PDE10A: variants seen among roughly 807,000 people sequenced by gnomAD.
The protein encoded by PDE10A is phosphodiesterase 10A.
Under a neutral mutation model 97.7 loss-of-function variants are expected in PDE10A, and 39 were observed. The ratio of observed to expected loss-of-function variants is 0.40; its 90% CI spans 0.31 to 0.52. PDE10A has a LOEUF of 0.52. Among genes scored for constraint, PDE10A ranks in the 20% least tolerant of loss-of-function variants. PDE10A has a pLI of 0.56. For synonymous variants in PDE10A, 371 were observed against 376.8 expected (o/e 0.98, Z 0.18); for missense variants, 731 against 1,047.8 (o/e 0.70, Z 4.17).
chr6:165,919,684 A>G (rs182969065), intron 1 of PDE10A, among the ~76,000 whole-genome samples: 121 of 152,332 alleles, frequency 7.9e-4, no homozygotes, highest in African/African-American at 2.2e-3. Flanking sequence ...TGCAGCCTGG[A>G]TAGGCCTGCT....
At chr6:165,923,813 C>T (rs1562799997) in intron 1 of PDE10A, among the ~76,000 whole-genome samples, 1 of 151,920 alleles carries the variant, frequency 6.6e-6, no homozygotes, top group Non-Finnish European at 1.5e-5. Context: ...TTTAACTGGA[C>T]ATTTGTGCCA....
chr6:165,825,560 G>C (rs994558727), intron 1 of PDE10A, among the ~76,000 whole-genome samples: 2 of 152,190 alleles, frequency 1.3e-5, no homozygotes, highest in Non-Finnish European at 2.9e-5. Flanking sequence ...AAAGGCTCCT[G>C]CTGGGCCTCT....
Position 165,388,190 on chromosome 6 carries a change from C to T in PDE10A, c.2610+108G>A, listed in dbSNP as rs1785436409. ...TATAAGGTTCTACAATAAAAAGTAG[C>T]TGTTGCTTTTAAGGAAGCCATAATG... On this transcript the variant is annotated intron_variant, in intron 17 of 21. Coordinates refer to ENST00000539869, the MANE Select transcript of PDE10A (RefSeq NM_001385079.1). This position sits in a 1 kb window ranked among gnomAD's most constrained non-coding sequence, Gnocchi z 4.0. The T allele has an allele frequency of 8.0e-6, 7 of 874,196 alleles. No individual in the cohort carries two copies. The East Asian group carries it at 1.5e-4, about 18-fold the overall frequency. 54.2% of individuals were successfully genotyped at this position (874,196 alleles called of 1,614,324 possible).
intron 1 of PDE10A, among the ~76,000 whole-genome samples, chr6:165,806,050 A>T (rs1241762348): frequency 1.0e-4 from 15 of 144,766 alleles, no homozygotes; most frequent in African/African-American, 4.2e-4. Context: ...ATTAAAAAAA[A>T]AAAAAAAAAA....
chr6:165,896,009 C>G (rs760549531), intron 1 of PDE10A, among the ~76,000 whole-genome samples: 1 of 152,200 alleles, frequency 6.6e-6, no homozygotes, highest in Non-Finnish European at 1.5e-5. Flanking sequence ...GGATCCGACT[C>G]TCCCAGCTGA....
At chr6:165,927,840 G>A (rs117313254) in intron 1 of PDE10A, among the ~76,000 whole-genome samples, 1,881 of 149,570 alleles carry the variant, frequency 0.013, 27 homozygotes, top group Non-Finnish European at 0.017. Context: ...GGGACTATAG[G>A]TGTGCGCCAC....
At chr6:165,777,991 C>T (rs572429141) in intron 1 of PDE10A, among the ~76,000 whole-genome samples, 58 of 152,228 alleles carry the variant, frequency 3.8e-4, no homozygotes, top group Admixed American at 8.5e-4. Flanking sequence ...TGATACATTA[C>T]TTAGCTTTGC....
chr6:165,699,711 A>AAATTAAACAC (rs1458667300), intron 1 of PDE10A, among the ~76,000 whole-genome samples: 1 of 152,262 alleles, frequency 6.6e-6, no homozygotes, highest in Non-Finnish European at 1.5e-5. Flanking sequence ...AAATATGTGG[A>AAATTAAACAC]AATTAAACAC....
chr6:165,542,612 C>CTTTTTTTTTTTTTTTTTTTTTTTTTTT (rs545149187), intron 2 of PDE10A, among the ~76,000 whole-genome samples: 12 of 76,456 alleles, frequency 1.6e-4, no homozygotes, highest in East Asian at 1.1e-3. Context: ...TGTCCTTGTT[C>CTTTTTTTTTTTTTTTTTTTTTTTTTTT]TTTTTTTTTT....
chr6:165,680,776 C>T (rs1007028693), intron 1 of PDE10A, among the ~76,000 whole-genome samples: 11 of 152,012 alleles, frequency 7.2e-5, no homozygotes, highest in Non-Finnish European at 1.2e-4. Flanking sequence ...TGGTGGCGGG[C>T]ACCTGTAATC....
chr6:165,491,072 A>C (rs938387008), intron 2 of PDE10A, among the ~76,000 whole-genome samples: 7 of 152,218 alleles, frequency 4.6e-5, no homozygotes, highest in African/African-American at 1.7e-4. Context: ...ATTATGTGCA[A>C]ATGGACACTA....
intron 18 of PDE10A, among the ~76,000 whole-genome samples, chr6:165,368,529 C>A (rs1415968441): frequency 1.3e-5 from 2 of 152,018 alleles, no homozygotes; most frequent in African/African-American, 2.4e-5. Flanking sequence ...GGAACAACCA[C>A]TTGAAAATTT....
chr6:165,328,166 T>C lies in PDE10A; in HGVS notation c.*4859A>G, dbSNP rs1320266442. ...TGAACTTGCACACGAAATGAACACA[T>C]AGCATATACACCATACAACAGATCA... On this transcript the variant is annotated 3_prime_UTR_variant, in exon 22 of 22. Coordinates refer to ENST00000539869, the MANE Select transcript of PDE10A (RefSeq NM_001385079.1). 6.6e-6 allele frequency: 1 copy of C among 152,178 alleles called. No homozygotes were observed. Among genetic ancestry groups the C allele is most frequent in the Non-Finnish European group, 1.5e-5 (1 of 68,030 alleles). The allele number at this position is 152,178 out of a possible 1,614,324, so 9.4% of individuals were successfully genotyped here.
At chr6:165,809,947 C>T (rs894244014) in intron 1 of PDE10A, among the ~76,000 whole-genome samples, 1 of 152,192 alleles carries the variant, frequency 6.6e-6, no homozygotes, top group African/African-American at 2.4e-5. Flanking sequence ...ATGATAAATT[C>T]GCTCTGTGCA....
chr6:165,795,562 C>A (rs1213559445), intron 1 of PDE10A, among the ~76,000 whole-genome samples: 5 of 150,972 alleles, frequency 3.3e-5, no homozygotes, highest in Non-Finnish European at 7.4e-5. Context: ...CCCGTCTCTA[C>A]TAAAAATACA....
intron 1 of PDE10A, among the ~76,000 whole-genome samples, chr6:165,677,364 G>T (rs574605126): frequency 6.6e-6 from 1 of 152,308 alleles, no homozygotes; most frequent in East Asian, 1.9e-4. Context: ...GCACAGTTGT[G>T]TGAGCCGGTT....
intron 18 of PDE10A, among the ~76,000 whole-genome samples, chr6:165,368,749 G>T (rs1783999390): frequency 6.6e-6 from 1 of 152,214 alleles, no homozygotes; most frequent in Admixed American, 6.5e-5. Context: ...CGTAGCTGGA[G>T]ATCTGAGAAC....
At chr6:165,764,495 C>CAGTG (rs200907481) in intron 1 of PDE10A, among the ~76,000 whole-genome samples, 15,475 of 150,900 alleles carry the variant, frequency 0.1, 991 homozygotes, top group South Asian at 0.18. Context: ...TGGACCCTCG[C>CAGTG]AGTGTTACAG....
intron 12 of PDE10A, among the ~76,000 whole-genome samples, chr6:165,415,581 C>T (rs111580323): frequency 0.021 from 3,226 of 152,092 alleles, 123 homozygotes; most frequent in African/African-American, 0.073. Context: ...TAATAATATC[C>T]AATAAAAGAT....
Sources: gnomAD v4.1 joint callset for allele counts (sites outside exome capture counted in the v4.1 genomes callset) on GRCh38, gnomAD v4.1.1 for gene constraint, Gnocchi (gnomAD v3.1) non-coding constraint, MANE v1.5 for transcripts, NCBI Gene and HGNC (gene_info 2026-07-23, HGNC 2026-07-21) for gene names.